The following ITGBL1 variants were observed in gnomAD, a reference collection of about 807,000 sequenced individuals.
ITGBL1 encodes the protein integrin beta-like protein 1.
A neutral mutation model predicts 68.5 loss-of-function variants in ITGBL1; 51 were observed. That is an observed-to-expected ratio of 0.74 (90% CI 0.59 to 0.94). The LOEUF (loss-of-function observed/expected upper bound fraction) is 0.94. Ranked by LOEUF, ITGBL1 falls within the 40% of genes least tolerant of loss-of-function variation. The pLI is 0.00. For missense variants in ITGBL1, 649 were observed against 647.4 expected (o/e 1.00, Z -0.03); for synonymous variants, 209 against 227.3 (o/e 0.92, Z 0.72).
chr13:101,666,794 G>A (rs2033229783), intron 7 of ITGBL1, among the ~76,000 whole-genome samples: 1 of 152,112 alleles, frequency 6.6e-6, no homozygotes, highest in African/African-American at 2.4e-5. Context: ...AATAATAAGA[G>A]CCTCAGAGAA....
At chr13:101,698,184 A>G (rs756568429) in intron 8 of ITGBL1, among the ~76,000 whole-genome samples, 1 of 152,212 alleles carries the variant, frequency 6.6e-6, no homozygotes, top group African/African-American at 2.4e-5. Flanking sequence ...TATAAAACCT[A>G]TATATCCAAC....
At chr13:101,606,004 A>G (rs1157967811) in intron 7 of ITGBL1, among the ~76,000 whole-genome samples, 5 of 146,730 alleles carry the variant, frequency 3.4e-5, no homozygotes, top group South Asian at 2.1e-4. Context: ...GTATATATAC[A>G]CATATATATG....
intron 7 of ITGBL1, among the ~76,000 whole-genome samples, chr13:101,670,788 G>A (rs1050561718): frequency 1.3e-5 from 2 of 152,112 alleles, no homozygotes; most frequent in Non-Finnish European, 2.9e-5. Flanking sequence ...AATATGTTGG[G>A]TTGTCTGGTA....
chr13:101,610,771 C>G (rs1190248347), intron 7 of ITGBL1, among the ~76,000 whole-genome samples: 1 of 152,092 alleles, frequency 6.6e-6, no homozygotes, highest in Non-Finnish European at 1.5e-5. Context: ...TACCCCTGAG[C>G]TAAGCATTTG....
intron 7 of ITGBL1, among the ~76,000 whole-genome samples, chr13:101,656,362 A>C (rs1413596594): frequency 1.3e-5 from 2 of 152,172 alleles, no homozygotes; most frequent in Non-Finnish European, 2.9e-5. Flanking sequence ...TTCCCCCCAC[A>C]AAGGACAGCT....
At chr13:101,544,146 C>T (rs902667538) in intron 2 of ITGBL1, among the ~76,000 whole-genome samples, 1 of 152,128 alleles carries the variant, frequency 6.6e-6, no homozygotes, top group African/African-American at 2.4e-5. Flanking sequence ...TTAGAGTTTC[C>T]AGTTTTTCTG....
chr13:101,486,000 C>T (rs1319606262), intron 2 of ITGBL1, among the ~76,000 whole-genome samples: 2 of 152,126 alleles, frequency 1.3e-5, no homozygotes, highest in Non-Finnish European at 2.9e-5. Context: ...TCCTGGGTAT[C>T]TACCCAATGG....
chr13:101,514,600 A>G (rs1198659624), intron 2 of ITGBL1, among the ~76,000 whole-genome samples: 1 of 152,126 alleles, frequency 6.6e-6, no homozygotes, highest in East Asian at 1.9e-4. Context: ...AATTGTATCT[A>G]TTAATAACCG....
chr13:101,655,231 T>G (rs1311266110), intron 7 of ITGBL1, among the ~76,000 whole-genome samples: 1 of 152,204 alleles, frequency 6.6e-6, no homozygotes, highest in Non-Finnish European at 1.5e-5. Context: ...CTCACCACAC[T>G]GCTAGATTGA....
At chr13:101,695,154 C>A (rs939627508) in intron 8 of ITGBL1, among the ~76,000 whole-genome samples, 5 of 152,162 alleles carry the variant, frequency 3.3e-5, no homozygotes, top group Non-Finnish European at 2.9e-5. Context: ...AAAGACTTCT[C>A]TAATGCCTTC....
intron 7 of ITGBL1, among the ~76,000 whole-genome samples, chr13:101,601,350 C>A (rs191460569): frequency 6.6e-6 from 1 of 151,854 alleles, no homozygotes; most frequent in Admixed American, 6.6e-5. Context: ...GTCTTGCTAC[C>A]GGTCTATCAA....
intron 7 of ITGBL1, among the ~76,000 whole-genome samples, chr13:101,606,196 T>G (rs1027693531): frequency 3.3e-4 from 45 of 138,042 alleles, no homozygotes; most frequent in Non-Finnish European, 6.3e-4. Flanking sequence ...ATATATAGCC[T>G]TATATCATAT....
At chr13:101,512,211 G>A (rs2049127105) in intron 2 of ITGBL1, among the ~76,000 whole-genome samples, 1 of 151,810 alleles carries the variant, frequency 6.6e-6, no homozygotes, top group South Asian at 2.1e-4. Flanking sequence ...CTCTTCTTCT[G>A]CATGTTATTT....
At chr13:101,456,139 C>A (rs2048241055) in intron 2 of ITGBL1, among the ~76,000 whole-genome samples, 1 of 152,190 alleles carries the variant, frequency 6.6e-6, no homozygotes, top group South Asian at 2.1e-4. Flanking sequence ...AGGACTGAGT[C>A]AAGCATGGTT....
intron 7 of ITGBL1, among the ~76,000 whole-genome samples, chr13:101,648,828 G>A (rs2032648402): frequency 6.6e-6 from 1 of 151,968 alleles, no homozygotes; most frequent in African/African-American, 2.4e-5. Context: ...GGTGGAGTTG[G>A]TGGGGGACAG....
intron 4 of ITGBL1, among the ~76,000 whole-genome samples, chr13:101,577,397 G>T (rs1387608584): frequency 6.6e-6 from 1 of 152,278 alleles, no homozygotes; most frequent in East Asian, 1.9e-4. Flanking sequence ...TTATTCAGAT[G>T]TGTCTTGTTC....
At chr13:101,613,659 G>A (rs1566758529) in intron 7 of ITGBL1, among the ~76,000 whole-genome samples, 1 of 152,114 alleles carries the variant, frequency 6.6e-6, no homozygotes, top group Non-Finnish European at 1.5e-5. Context: ...AAGTTTTCTG[G>A]AAGGAGATGT....
At chr13:101,586,058 G>A (rs897987428) in intron 6 of ITGBL1, among the ~76,000 whole-genome samples, 4 of 152,072 alleles carry the variant, frequency 2.6e-5, no homozygotes, top group Non-Finnish European at 4.4e-5. Context: ...TTCAATCCTC[G>A]TGTAAGCTTG....
Position 101,706,905 on chromosome 13 carries a change from G to A in ITGBL1, c.1279+3G>A. 2 of 1,613,346 alleles carry A rather than the reference G, an allele frequency of 1.2e-6. No individual in the cohort carries two copies. The highest frequency in any genetic ancestry group is 4.5e-5 in the East Asian group (2 of 44,852). Reference sequence around the variant, plus strand: ...TGGCATATTGTGCTCGGGGAAGGGTGAGTATCTCTGCTGGTGCCTGGACTC... The same window carrying A: ...TGGCATATTGTGCTCGGGGAAGGGTAAGTATCTCTGCTGGTGCCTGGACTC... On this transcript the variant is annotated splice_donor_region_variant and intron_variant, in intron 9 of 10. Transcript: ENST00000376180.
Sources: allele counts gnomAD v4.1 joint callset (sites outside exome capture counted in the v4.1 genomes callset), GRCh38; gene constraint gnomAD v4.1.1; transcripts MANE v1.5; gene names NCBI Gene and HGNC (gene_info 2026-07-23, HGNC 2026-07-21).